Variants in MNS1 observed in about 807,000 individuals in gnomAD.
MNS1 encodes the protein meiosis-specific nuclear structural protein 1.
In MNS1, 63 loss-of-function variants were observed where a neutral mutation model predicts 72.0. The ratio of observed to expected loss-of-function variants is 0.87; its 90% CI spans 0.71 to 1.08. The LOEUF is 1.08. MNS1 is among the 50% of genes least tolerant of loss of function. The pLI, the probability that MNS1 is intolerant of heterozygous loss-of-function variation, is 0.00. For missense variants in MNS1, 604 were observed against 562.4 expected (o/e 1.07, Z -0.75); for synonymous variants, 188 against 172.1 (o/e 1.09, Z -0.72).
chr15:56,440,405 G>A (rs1402555696), intron 7 of MNS1, among the ~76,000 whole-genome samples: 2 of 152,166 alleles, frequency 1.3e-5, no homozygotes, highest in Non-Finnish European at 2.9e-5. Flanking sequence ...AAATCACTTT[G>A]GCAGTCTGTT....
intron 3 of MNS1, among the ~76,000 whole-genome samples, chr15:56,451,140 C>A (rs942471306): frequency 5.3e-5 from 8 of 152,110 alleles, no homozygotes; most frequent in Non-Finnish European, 1.0e-4. Context: ...ATCAGAGATA[C>A]AATTTGTTCT....
At chr15:56,432,452 A>G (rs1397571249) in intron 8 of MNS1, among the ~76,000 whole-genome samples, 1 of 152,164 alleles carries the variant, frequency 6.6e-6, no homozygotes, top group Non-Finnish European at 1.5e-5. Flanking sequence ...TCCAAAAAAC[A>G]TGGTTAGACC....
intron 3 of MNS1, among the ~76,000 whole-genome samples, chr15:56,452,517 TTTTTC>T (rs1202937395): frequency 7.4e-6 from 1 of 134,570 alleles, no homozygotes; most frequent in Non-Finnish European, 1.6e-5. Flanking sequence ...TTGTTTTCTT[TTTTTC>T]TTTTTTTTTT....
intron 7 of MNS1, among the ~76,000 whole-genome samples, chr15:56,439,475 AG>A (rs1378234072): frequency 6.6e-6 from 1 of 152,106 alleles, no homozygotes; most frequent in African/African-American, 2.4e-5. Context: ...CTTGCCATAT[AG>A]CTGCAGTATT....
Position 56,465,016 on chromosome 15 carries a change from C to T in MNS1, c.-44G>A. ...CCCCCTCTCGTGGGACCGCGGCCACCACCTCCCGCCGCAAACGCAGCAGCC... is the reference window on the plus strand; with the variant it reads ...CCCCCTCTCGTGGGACCGCGGCCACTACCTCCCGCCGCAAACGCAGCAGCC... On this transcript the variant is annotated 5_prime_UTR_variant, in exon 1 of 10. Transcript: ENST00000260453. 6.3e-7 allele frequency: 1 copy of T among 1,588,958 alleles called. No homozygotes were observed. The highest frequency in any genetic ancestry group is 1.3e-5 in the African/African-American group (1 of 74,300).
chr15:56,460,449 C>G (rs923375806), intron 2 of MNS1, among the ~76,000 whole-genome samples: 1 of 152,094 alleles, frequency 6.6e-6, no homozygotes, highest in Non-Finnish European at 1.5e-5. Flanking sequence ...CTATGGTCCT[C>G]AAGTAGCAAA....
rs919720838 is a variant in MNS1 at position 56,429,046 on chromosome 15, C to G, written c.*55G>C. The G allele has an allele frequency of 5.3e-6, 6 of 1,140,500 alleles. No individual in the cohort carries two copies. Among genetic ancestry groups the G allele is most frequent in the Admixed American group, 2.5e-5 (1 of 40,798 alleles). The allele number at this position is 1,140,500 out of a possible 1,614,324, so 70.6% of individuals were successfully genotyped here. A position where few individuals can be genotyped will look rare whatever the true frequency, so the allele number is the denominator to read the frequency against. ...ACTGAACTGTAAAACAAAAGTTATG[C>G]TGACATCTAGTGGTAACATGCAAAA... On this transcript the variant is annotated 3_prime_UTR_variant, in exon 10 of 10. Coordinates refer to ENST00000260453, the MANE Select transcript of MNS1 (RefSeq NM_018365.4).
At chr15:56,451,664 T>C (rs1304313355) in intron 3 of MNS1, among the ~76,000 whole-genome samples, 3 of 152,220 alleles carry the variant, frequency 2.0e-5, no homozygotes, top group African/African-American at 7.2e-5. Context: ...CTCTGATTAA[T>C]GATGGTTTGA....
intron 7 of MNS1, among the ~76,000 whole-genome samples, chr15:56,437,601 G>T (rs1484371344): frequency 6.6e-6 from 1 of 152,134 alleles, no homozygotes; most frequent in Non-Finnish European, 1.5e-5. Flanking sequence ...ACATAGTGTT[G>T]GAAGTTCTGG....
At chr15:56,434,527 CATG>C in intron 7 of MNS1, 132 bp from the exon 8 acceptor site, 1 of 976,496 alleles carries the variant, frequency 1.0e-6, no homozygotes, top group African/African-American at 1.6e-5. Context: ...TAAGGCTTTT[CATG>C]ATAACTTTGT....
At chr15:56,437,625 G>T (rs1248831000) in intron 7 of MNS1, among the ~76,000 whole-genome samples, 1 of 152,164 alleles carries the variant, frequency 6.6e-6, no homozygotes, top group African/African-American at 2.4e-5. Flanking sequence ...GGGCAGTCAG[G>T]CAGGAGAAAG....
At chr15:56,440,685 T>C (rs77802594) in intron 7 of MNS1, among the ~76,000 whole-genome samples, 6,733 of 152,146 alleles carry the variant, frequency 0.044, 223 homozygotes, top group Admixed American at 0.088. Flanking sequence ...TTCCAGGAAA[T>C]TATGCTGAAT....
intron 4 of MNS1, 61 bp downstream of exon 4, chr15:56,446,780 A>G: frequency 1.6e-6 from 2 of 1,270,540 alleles, no homozygotes; most frequent in Non-Finnish European, 1.1e-6. Flanking sequence ...TTTTTAAGAA[A>G]CAAGTCTAAT....
intron 2 of MNS1, 167 bp downstream of exon 2, chr15:56,463,859 C>T: frequency 1.7e-6 from 1 of 603,900 alleles, no homozygotes; most frequent in Non-Finnish European, 2.9e-6. Context: ...AAAGACAGGC[C>T]GGCTCCAGAA....
chr15:56,439,379 C>CA (rs1164158172), intron 7 of MNS1, among the ~76,000 whole-genome samples: 3 of 151,850 alleles, frequency 2.0e-5, no homozygotes, highest in African/African-American at 7.2e-5. Context: ...AAAATCCCAG[C>CA]AAAAAATATT....
At chr15:56,462,585 C>G (rs1446309597) in intron 2 of MNS1, among the ~76,000 whole-genome samples, 1 of 152,136 alleles carries the variant, frequency 6.6e-6, no homozygotes, top group African/African-American at 2.4e-5. Flanking sequence ...GATAAAACAA[C>G]TGGCTTAGTT....
Position 56,460,009 on chromosome 15 carries a change from A to AAAAAAAAAAAATATATATATATATAT in MNS1, c.226-3489_226-3488insATATATATATATATATTTTTTTTTTT. Among the ~76,000 whole-genome samples the AAAAAAAAAAAATATATATATATATAT allele has an allele frequency of 7.6e-4, 20 of 26,382 alleles. 5 individuals carry two copies. The highest frequency in any genetic ancestry group is 1.7e-3 in the African/African-American group (11 of 6,650). The allele number at this position is 26,382 out of a possible 152,430, so 17.3% of individuals were successfully genotyped here. A position where few individuals can be genotyped will look rare whatever the true frequency, so the allele number is the denominator to read the frequency against. On this transcript the variant is annotated intron_variant, in intron 2 of 9. Coordinates refer to ENST00000260453, the MANE Select transcript of MNS1 (RefSeq NM_018365.4). ...CTGTCTCAAAAAAAAAAAAAAAAAA[A>AAAAAAAAAAAATATATATATATATAT]ATACATATATATATATATATATATA...
chr15:56,431,353 T>C lies in MNS1; in HGVS notation c.1395+20A>G, dbSNP rs775420383. ...TATTACAGGTCATGAAGATTACAACTTGAGATAAATCTCACTTACTTTAGG... is the reference window on the plus strand; with the variant it reads ...TATTACAGGTCATGAAGATTACAACCTGAGATAAATCTCACTTACTTTAGG... On this transcript the variant is annotated intron_variant, in intron 9 of 9. Coordinates refer to ENST00000260453, the MANE Select transcript of MNS1 (RefSeq NM_018365.4). The C allele has an allele frequency of 3.1e-6, 5 of 1,607,712 alleles. No individual in the cohort carries two copies. The highest frequency in any genetic ancestry group is 2.2e-5 in the South Asian group (2 of 90,222).
intron 2 of MNS1, among the ~76,000 whole-genome samples, chr15:56,459,551 C>A (rs905874379): frequency 2.0e-5 from 3 of 152,104 alleles, no homozygotes; most frequent in Admixed American, 6.5e-5. Flanking sequence ...TTTTAAGCAG[C>A]TAAGTTTGTG....
Sources: gnomAD v4.1 joint callset for allele counts (sites outside exome capture counted in the v4.1 genomes callset) on GRCh38, gnomAD v4.1.1 for gene constraint, MANE v1.5 for transcripts, NCBI Gene and HGNC (gene_info 2026-07-23, HGNC 2026-07-21) for gene names.